The following SCMH1 variants were observed in gnomAD, a reference collection of about 807,000 sequenced individuals.
SCMH1 encodes the protein Scm polycomb group protein homolog 1, also known as polycomb protein SCMH1.
In SCMH1, 37 loss-of-function variants were observed where a neutral mutation model predicts 70.8. The observed-to-expected ratio is 0.52, with a 90% CI of 0.40 to 0.69. The LOEUF is 0.69. Ranked by LOEUF, SCMH1 falls within the 30% of genes least tolerant of loss-of-function variation. SCMH1 has a pLI of 0.00. For synonymous variants in SCMH1, 292 were observed against 307.4 expected, an observed-to-expected ratio of 0.95 and a Z score of 0.52; for missense variants, 607 against 827.3, an observed-to-expected ratio of 0.73 and a Z score of 3.27.
intron 8 of SCMH1, among the ~76,000 whole-genome samples, chr1:41,109,320 G>T (rs1332704312): frequency 6.6e-6 from 1 of 151,948 alleles, no homozygotes; most frequent in African/African-American, 2.4e-5. Context: ...GCCATGAGCA[G>T]GAAACATTAT....
Position 41,113,239 on chromosome 1 carries a change from A to G in SCMH1, c.745+44T>C. 1 of 1,593,694 alleles carries G rather than the reference A, an allele frequency of 6.3e-7. No homozygotes were observed. On this transcript the variant is annotated intron_variant, in intron 8 of 14. Transcript: ENST00000337495. This position sits in a 1 kb window ranked among gnomAD's most constrained non-coding sequence, Gnocchi z 4.3. ...ATGACAGCCCTGGGTAGTCTCCCTT[A>G]TCATCTGGGTCCTGATTTCAAGAGC... is the stretch of plus-strand genomic sequence containing the variant.
exon 13 of SCMH1, chr1:41,037,528 G>C (rs372253373): frequency 1.2e-6 from 2 of 1,613,854 alleles, no homozygotes; most frequent in Non-Finnish European, 1.7e-6. Flanking sequence ...TATTCCCCAG[G>C]ACAAAGGTTT....
At chr1:41,143,929 T>C (rs1644327350) in intron 5 of SCMH1, among the ~76,000 whole-genome samples, 1 of 152,244 alleles carries the variant, frequency 6.6e-6, no homozygotes, top group South Asian at 2.1e-4. Flanking sequence ...TTCCTTTTAT[T>C]GTTGAGTGGT....
chr1:41,033,862 A>T, intron 13 of SCMH1, 121 bp downstream of exon 14: 1 of 1,420,980 alleles, frequency 7.0e-7, no homozygotes, highest in Non-Finnish European at 9.5e-7. Context: ...GGAAAATTGG[A>T]GATGCTTAGG....
intron 10 of SCMH1, among the ~76,000 whole-genome samples, chr1:41,050,885 A>G (rs996132295): frequency 6.6e-6 from 1 of 152,162 alleles, no homozygotes; most frequent in African/African-American, 2.4e-5. Context: ...GTTTAACTGA[A>G]GTCTTTTAAG....
intron 10 of SCMH1, among the ~76,000 whole-genome samples, chr1:41,069,820 A>G (rs551014064): frequency 1.3e-5 from 2 of 152,282 alleles, no homozygotes; most frequent in Admixed American, 6.5e-5. Context: ...CGGTTATGGG[A>G]AACTATGTCT....
At chr1:41,210,074 A>C (rs566394524) in intron 1 of SCMH1, among the ~76,000 whole-genome samples, 2 of 152,210 alleles carry the variant, frequency 1.3e-5, no homozygotes, top group Non-Finnish European at 2.9e-5. Context: ...AATAACAGAC[A>C]GAGACCCAAA....
rs370678139 is a variant in SCMH1 at position 41,143,080 on chromosome 1, G to C, written c.210C>G (p.Ile70Met). Residue 70 changes from isoleucine to methionine, a missense_variant, in exon 6 of 15, where the codon ATC (isoleucine) becomes ATG (methionine). Physicochemically the swap from Ile to Met is conservative, Grantham distance 10. Coordinates refer to ENST00000337495, the Ensembl canonical transcript of SCMH1. ...GGTCCTGTGCTTCCAATTTCATACT[G>C]ATCTTGAACTCGTTGCTTGGAGGTG... 4.3e-5 allele frequency: 69 copies of C among 1,613,980 alleles called. No individual in the cohort carries two copies. Among genetic ancestry groups the C allele is most frequent in the Non-Finnish European group, 4.9e-5 (58 of 1,180,008 alleles).
intron 13 of SCMH1, among the ~76,000 whole-genome samples, chr1:41,030,116 T>A (rs928195839): frequency 6.6e-6 from 1 of 152,174 alleles, no homozygotes; most frequent in African/African-American, 2.4e-5. Flanking sequence ...CTCAGAAGGC[T>A]GAGGCAGGAG....
chr1:41,051,673 TAA>T (rs1043821692), intron 10 of SCMH1, among the ~76,000 whole-genome samples: 3 of 152,010 alleles, frequency 2.0e-5, no homozygotes, highest in Non-Finnish European at 4.4e-5. Context: ...GTTTTTTAAA[TAA>T]AAAAAGCTTA....
chr1:41,122,412 T>A (rs936735864), intron 6 of SCMH1, among the ~76,000 whole-genome samples: 1 of 152,188 alleles, frequency 6.6e-6, no homozygotes, highest in African/African-American at 2.4e-5. Flanking sequence ...CCTAAATCTA[T>A]CCTGCTTCCT....
At chr1:41,143,139 G>C (rs1453350666) in intron 5 of SCMH1, 27 bp from the exon 6 acceptor site, 11 of 1,581,898 alleles carry the variant, frequency 7.0e-6, no homozygotes, top group Non-Finnish European at 9.5e-6. Flanking sequence ...ATGAGGTATA[G>C]ACAGATTAAG....
chr1:41,065,963 G>A (rs1654455587), intron 10 of SCMH1, among the ~76,000 whole-genome samples: 1 of 152,156 alleles, frequency 6.6e-6, no homozygotes, highest in Admixed American at 6.5e-5. Context: ...CCCAGTTTCA[G>A]TCCTGGTGGT....
chr1:41,119,978 C>T (rs1244713233), intron 6 of SCMH1, among the ~76,000 whole-genome samples: 2 of 152,124 alleles, frequency 1.3e-5, no homozygotes, highest in Non-Finnish European at 2.9e-5. Flanking sequence ...AACAACTCTC[C>T]TTAGGTCAGG....
intron 8 of SCMH1, among the ~76,000 whole-genome samples, chr1:41,077,250 T>C (rs1254792516): frequency 2.0e-5 from 3 of 152,170 alleles, no homozygotes; most frequent in Non-Finnish European, 4.4e-5. Flanking sequence ...GGGCATCTGC[T>C]AATTTTGGCA....
At chr1:41,104,919 A>T (rs1053200065) in intron 8 of SCMH1, among the ~76,000 whole-genome samples, 5 of 151,944 alleles carry the variant, frequency 3.3e-5, no homozygotes, top group Admixed American at 3.3e-4. Context: ...ACTTTTGGCC[A>T]TTAGGTTTCC....
At chr1:41,125,093 C>T (rs577367283) in intron 6 of SCMH1, among the ~76,000 whole-genome samples, 1 of 152,288 alleles carries the variant, frequency 6.6e-6, no homozygotes, top group South Asian at 2.1e-4. Context: ...TGGAGAGAAA[C>T]TTTGAGACTG....
At chr1:41,033,647 C>T (rs1266315197) in intron 13 of SCMH1, among the ~76,000 whole-genome samples, 1 of 152,210 alleles carries the variant, frequency 6.6e-6, no homozygotes, top group African/African-American at 2.4e-5. Context: ...AGTTGAGGCA[C>T]ATCCACAAGA....
chr1:41,130,930 TTA>T (rs1266239497), intron 6 of SCMH1, among the ~76,000 whole-genome samples: 1 of 152,164 alleles, frequency 6.6e-6, no homozygotes, highest in Non-Finnish European at 1.5e-5. Context: ...GAAGTTCAAG[TTA>T]TCTATTTTTT....
Sources: allele counts gnomAD v4.1 joint callset (sites outside exome capture counted in the v4.1 genomes callset), GRCh38; gene constraint gnomAD v4.1.1; non-coding constraint Gnocchi (gnomAD v3.1); transcripts MANE v1.5; gene names NCBI Gene and HGNC (gene_info 2026-07-23, HGNC 2026-07-21).